The following HIBADH variants were observed in gnomAD, a reference collection of about 807,000 sequenced individuals.
HIBADH encodes the protein 3-hydroxyisobutyrate dehydrogenase.
HIBADH carries 25 observed loss-of-function variants against 36.1 expected under a neutral mutation model. That is an observed-to-expected ratio of 0.69 (90% CI 0.50 to 0.97). HIBADH has a LOEUF of 0.97. HIBADH is among the 50% of genes least tolerant of loss of function. HIBADH has a pLI of 0.00. For missense variants in HIBADH, 421 were observed against 418.0 expected (o/e 1.01, Z -0.06); for synonymous variants, 160 against 149.5 (o/e 1.07, Z -0.51).
chr7:27,641,901 T>A (rs1785967647), intron 2 of HIBADH, among the ~76,000 whole-genome samples: 1 of 152,066 alleles, frequency 6.6e-6, no homozygotes, highest in Admixed American at 6.5e-5. Context: ...TCAGAGGACC[T>A]CTTAGAGTCA....
intron 4 of HIBADH, among the ~76,000 whole-genome samples, chr7:27,575,536 T>C (rs564596507): frequency 3.9e-5 from 6 of 152,220 alleles, no homozygotes; most frequent in African/African-American, 1.4e-4. Context: ...TCTGAACAAT[T>C]TATCAGAAGT....
intron 4 of HIBADH, among the ~76,000 whole-genome samples, chr7:27,600,912 C>G (rs1785120520): frequency 6.6e-6 from 1 of 152,124 alleles, no homozygotes; most frequent in South Asian, 2.1e-4. Flanking sequence ...GCCAGACTTA[C>G]CAGACTACTG....
rs114075592 is a variant in HIBADH at position 27,529,954 on chromosome 7, G to T, written c.852+1238C>A. ...GCAAGACCTTCCACCAGCAAAAAAG[G>T]ACTATATGACTCACTGAAGGCTCAG... is the stretch of plus-strand genomic sequence containing the variant. On this transcript the variant is annotated intron_variant, in intron 7 of 7. Coordinates refer to ENST00000265395, the MANE Select transcript of HIBADH (RefSeq NM_152740.4). 3.2e-3 allele frequency among the ~76,000 whole-genome samples: 487 copies of T among 152,274 alleles called. 6 individuals carry two copies. Among genetic ancestry groups the T allele is most frequent in the African/African-American group, 0.011 (458 of 41,560 alleles).
chr7:27,566,717 C>T (rs1034476937), intron 4 of HIBADH, among the ~76,000 whole-genome samples: 1 of 152,112 alleles, frequency 6.6e-6, no homozygotes, highest in African/African-American at 2.4e-5. Context: ...TTAGGAGCAT[C>T]CTACAAATAT....
At chr7:27,571,768 A>G (rs1053413811) in intron 4 of HIBADH, among the ~76,000 whole-genome samples, 7 of 152,138 alleles carry the variant, frequency 4.6e-5, no homozygotes, top group African/African-American at 9.7e-5. Context: ...TTATTCTTCT[A>G]TGGATGACAA....
chr7:27,535,114 T>C (rs2128183415), intron 6 of HIBADH, among the ~76,000 whole-genome samples: 1 of 151,052 alleles, frequency 6.6e-6, no homozygotes, highest in East Asian at 2.0e-4. Context: ...AAGTGAATGA[T>C]TTGGATTGAC....
At position 27,531,232 on chromosome 7, in the gene HIBADH, T is replaced by C. The variant is rs1783994044; in HGVS notation, c.812A>G (p.Asn271Ser). 11 of 1,614,040 alleles carry C rather than the reference T, an allele frequency of 6.8e-6. No homozygotes were observed. Among genetic ancestry groups the C allele is most frequent in the Middle Eastern group, 1.6e-4 (1 of 6,062 alleles). Residue 271 changes from asparagine to serine, a missense_variant, in exon 7 of 8, where the codon AAT (asparagine) becomes AGT (serine). Asn to Ser is a conservative substitution (Grantham distance 46). Transcript: ENST00000265395. Reference protein sequence around the residue: ...PGVMDGVPSANNYQGGFGTTL... With the variant: ...PGVMDGVPSASNYQGGFGTTL... ...TGTTCCAAATCCACCCTGATAGTTA[T>C]TAGCCGAGGGAACGCCATCCATCAC...
intron 2 of HIBADH, among the ~76,000 whole-genome samples, chr7:27,641,995 C>T (rs1469894779): frequency 6.6e-6 from 1 of 152,152 alleles, no homozygotes; most frequent in African/African-American, 2.4e-5. Flanking sequence ...GTGAACCACA[C>T]ACAGAATTTT....
intron 1 of HIBADH, among the ~76,000 whole-genome samples, chr7:27,657,022 C>T (rs1478184728): frequency 6.6e-6 from 1 of 152,178 alleles, no homozygotes; most frequent in Non-Finnish European, 1.5e-5. Flanking sequence ...TGGCATCCTT[C>T]TGCCAAATGA....
At chr7:27,594,170 A>C (rs1583586892) in intron 4 of HIBADH, among the ~76,000 whole-genome samples, 1 of 146,342 alleles carries the variant, frequency 6.8e-6, no homozygotes. Context: ...TCTGAAACAG[A>C]GTTTCGCTCG....
chr7:27,539,058 GGCAAGGACATGTCA>G (rs1784109383), intron 5 of HIBADH, among the ~76,000 whole-genome samples: 1 of 152,062 alleles, frequency 6.6e-6, no homozygotes, highest in Non-Finnish European at 1.5e-5. Context: ...TTAAGACTGG[GGCAAGGACATGTCA>G]GCTATGAAAG....
In HIBADH at chr7:27,542,974, G is replaced by A; in HGVS notation, c.611C>T (p.Thr204Ile). ...TTAATGTAAAAATCTTACCTGCCCA[G>A]TCCCAACAGCTCCACAGTACACCAC... Reference protein sequence around the residue: ...SNVVYCGAVGTGQAAKICNNM... With the variant: ...SNVVYCGAVGIGQAAKICNNM... The change falls in exon 5 of 8, where the codon ACT becomes ATT. Residue 204 changes from threonine (T) to isoleucine (I), a missense_variant. Coordinates refer to ENST00000265395, the MANE Select transcript of HIBADH (RefSeq NM_152740.4). The A allele has an allele frequency of 6.2e-7, 1 of 1,613,426 alleles. No individual in the cohort carries two copies. The highest frequency in any genetic ancestry group is 8.5e-7 in the Non-Finnish European group (1 of 1,179,708).
rs1378228808 is a variant in HIBADH at position 27,632,433 on chromosome 7, G to C, written c.265C>G (p.Pro89Ala). The change falls in exon 3 of 8, where the codon CCA (proline) becomes GCA (alanine). Residue 89 changes from proline (P) to alanine (A), a missense_variant. Pro to Ala is a conservative substitution (Grantham distance 27). Transcript: ENST00000265395. ...QDAGEQVVSS[P>A]ADVAEKADRI... ...TCAGCTTTTTCAGCAACATCTGCTGGGGAAGATACTACCTTTAAAAAAAAT... is the reference window on the plus strand; with the variant it reads ...TCAGCTTTTTCAGCAACATCTGCTGCGGAAGATACTACCTTTAAAAAAAAT... 1 of 1,611,530 alleles carries C rather than the reference G, an allele frequency of 6.2e-7. No homozygotes were observed. Among genetic ancestry groups the C allele is most frequent in the Non-Finnish European group, 8.5e-7 (1 of 1,177,946 alleles).
At chr7:27,580,251 T>C (rs1248998933) in intron 4 of HIBADH, among the ~76,000 whole-genome samples, 6 of 152,206 alleles carry the variant, frequency 3.9e-5, no homozygotes, top group Non-Finnish European at 7.3e-5. Context: ...GAGCAGGCAG[T>C]TGAACTCAGG....
At chr7:27,573,456 G>A (rs184963721) in intron 4 of HIBADH, among the ~76,000 whole-genome samples, 330 of 152,226 alleles carry the variant, frequency 2.2e-3, no homozygotes, top group African/African-American at 7.7e-3. Context: ...ATTAGACATC[G>A]TCTAGACTAG....
At chr7:27,616,360 G>A (rs1472854258) in intron 4 of HIBADH, among the ~76,000 whole-genome samples, 1 of 152,136 alleles carries the variant, frequency 6.6e-6, no homozygotes. Context: ...AGGTCTGGAG[G>A]GCTCATATAT....
At chr7:27,662,424 G>GC (rs746790227) in intron 1 of HIBADH, among the ~76,000 whole-genome samples, 6 of 152,072 alleles carry the variant, frequency 3.9e-5, no homozygotes, top group African/African-American at 7.2e-5. Context: ...CTTCTCTTCA[G>GC]CCCAAGCTCT....
At chr7:27,551,301 G>A (rs1784316491) in intron 4 of HIBADH, among the ~76,000 whole-genome samples, 2 of 152,162 alleles carry the variant, frequency 1.3e-5, no homozygotes, top group South Asian at 4.1e-4. Context: ...TCACAGTGCA[G>A]GGTCACACCT....
rs759738738 is a variant in HIBADH, at chr7:27,549,921, CTTTT to C, written c.485-6825_485-6822del. Among the ~76,000 whole-genome samples the C allele has an allele frequency of 1.1e-3, 169 of 151,960 alleles. 1 individual carries two copies. Among genetic ancestry groups the C allele is most frequent in the Non-Finnish European group, 1.9e-3 (130 of 67,956 alleles). ...CTTAGCATTTCTTTTCTTTTCTTTTCTTTTTGAGATGGAGTCTCGCTCAGTCGCC... is the reference window on the plus strand; with the variant it reads ...CTTAGCATTTCTTTTCTTTTCTTTTCTGAGATGGAGTCTCGCTCAGTCGCC... On this transcript the variant is annotated intron_variant, in intron 4 of 7. Coordinates refer to ENST00000265395, the MANE Select transcript of HIBADH (RefSeq NM_152740.4).
Sources: gnomAD v4.1 joint callset for allele counts (sites outside exome capture counted in the v4.1 genomes callset) on GRCh38, gnomAD v4.1.1 for gene constraint, MANE v1.5 for transcripts, NCBI Gene and HGNC (gene_info 2026-07-23, HGNC 2026-07-21) for gene names.